ANKS1B: variants seen among roughly 807,000 people sequenced by gnomAD.
The protein encoded by ANKS1B is ankyrin repeat and sterile alpha motif domain containing 1B, also known as ankyrin repeat and sterile alpha motif domain-containing protein 1B.
Under a neutral mutation model 148.3 loss-of-function variants are expected in ANKS1B, and 36 were observed. The ratio of observed to expected loss-of-function variants is 0.24; its 90% CI spans 0.19 to 0.32. ANKS1B has a LOEUF of 0.32. ANKS1B is among the 10% of genes least tolerant of loss of function. The pLI, the probability that ANKS1B is intolerant of heterozygous loss-of-function variation, is 1.00. For missense variants in ANKS1B, 1,157 were observed against 1,542.6 expected, an observed-to-expected ratio of 0.75 and a Z score of 4.19; for synonymous variants, 542 against 560.8, an observed-to-expected ratio of 0.97 and a Z score of 0.47.
intron 1 of ANKS1B, among the ~76,000 whole-genome samples, chr12:99,877,919 C>T (rs1032317424): frequency 1.3e-5 from 2 of 152,088 alleles, no homozygotes; most frequent in African/African-American, 4.8e-5. Context: ...ATTAGCCAGA[C>T]ATTGGTGGCT....
intron 8 of ANKS1B, among the ~76,000 whole-genome samples, chr12:99,731,713 G>T (rs1433550418): frequency 6.6e-6 from 1 of 152,044 alleles, no homozygotes; most frequent in Non-Finnish European, 1.5e-5. Flanking sequence ...ACTTCTAGAA[G>T]AAAACACAGG....
intron 16 of ANKS1B, among the ~76,000 whole-genome samples, chr12:99,054,108 A>C (rs1167659661): frequency 6.6e-6 from 1 of 152,144 alleles, no homozygotes; most frequent in East Asian, 1.9e-4. Context: ...ATTGTAGCTG[A>C]ATCTGTGGTT....
downstream of ANKS1B, among the ~76,000 whole-genome samples, chr12:98,742,927 C>CCAA (rs2097813238): frequency 1.3e-5 from 2 of 152,306 alleles, no homozygotes; most frequent in East Asian, 1.9e-4. Context: ...AGTTAGTTAC[C>CCAA]CAACTTTATT....
chr12:98,889,087 C>T (rs2099746543), intron 17 of ANKS1B, among the ~76,000 whole-genome samples: 2 of 152,200 alleles, frequency 1.3e-5, no homozygotes, highest in Admixed American at 6.5e-5. Flanking sequence ...ATTCAGAATG[C>T]ATGTTCTTTA....
intron 9 of ANKS1B, among the ~76,000 whole-genome samples, chr12:99,562,587 G>A (rs1030813769): frequency 1.3e-5 from 2 of 152,178 alleles, no homozygotes; most frequent in Non-Finnish European, 2.9e-5. Context: ...CATGGCTGGA[G>A]AGACCTCAGG....
intron 15 of ANKS1B, among the ~76,000 whole-genome samples, chr12:99,135,216 G>T (rs1268909358): frequency 3.3e-5 from 5 of 152,106 alleles, no homozygotes; most frequent in Non-Finnish European, 7.4e-5. Context: ...CAATCTCCTA[G>T]AGTGTAAGAT....
chr12:99,685,333 C>G (rs1051593463), intron 8 of ANKS1B, among the ~76,000 whole-genome samples: 1 of 152,074 alleles, frequency 6.6e-6, no homozygotes, highest in Non-Finnish European at 1.5e-5. Context: ...ATGAAAAATG[C>G]TCAACATCAC....
At chr12:99,557,047 T>C (rs1431995338) in intron 9 of ANKS1B, among the ~76,000 whole-genome samples, 1 of 152,200 alleles carries the variant, frequency 6.6e-6, no homozygotes, top group Non-Finnish European at 1.5e-5. Flanking sequence ...GATGTTCAAC[T>C]CTCTCACCTC....
At chr12:99,417,720 T>C (rs1280261034) in intron 11 of ANKS1B, among the ~76,000 whole-genome samples, 1 of 152,136 alleles carries the variant, frequency 6.6e-6, no homozygotes, top group African/African-American at 2.4e-5. Flanking sequence ...TTTTCATCAG[T>C]GTTTTGTAGT....
rs527439082 is a variant in ANKS1B at position 99,713,251 on chromosome 12, C to T, written c.1129-58041G>A. Among the ~76,000 whole-genome samples, 6 of 152,276 alleles carry T rather than the reference C, an allele frequency of 3.9e-5. No individual in the cohort carries two copies. In the South Asian group the frequency reaches 1.0e-3, roughly 26 times the overall value. ...TGTGTGATTAAAATACTGACCTTAT[C>T]TAAAATCGTTCCAAGGCACAAGCAA... is the stretch of plus-strand genomic sequence containing the variant. On this transcript the variant is annotated intron_variant, in intron 8 of 26. Coordinates refer to ENST00000683438, the MANE Select transcript of ANKS1B (RefSeq NM_001352186.2).
At chr12:99,389,603 A>G (rs367827702) in intron 12 of ANKS1B, among the ~76,000 whole-genome samples, 1 of 152,232 alleles carries the variant, frequency 6.6e-6, no homozygotes. Flanking sequence ...AGATATAAAC[A>G]TCCTGGTTGA....
intron 17 of ANKS1B, among the ~76,000 whole-genome samples, chr12:99,013,255 C>T (rs2099940508): frequency 3.3e-5 from 5 of 152,210 alleles, no homozygotes; most frequent in Non-Finnish European, 7.4e-5. Flanking sequence ...AACAATAATC[C>T]CTTAATTTAT....
intron 9 of ANKS1B, among the ~76,000 whole-genome samples, chr12:99,603,279 T>C (rs1344490976): frequency 1.3e-5 from 2 of 152,096 alleles, no homozygotes; most frequent in African/African-American, 4.8e-5. Context: ...AGGCTAGGAA[T>C]CCAAGCCAAG....
At chr12:99,549,206 A>G (rs2153158782) in intron 9 of ANKS1B, among the ~76,000 whole-genome samples, 1 of 152,340 alleles carries the variant, frequency 6.6e-6, no homozygotes, top group South Asian at 2.1e-4. Context: ...ACCTCAGGGC[A>G]CTAAAGGAAC....
intron 11 of ANKS1B, among the ~76,000 whole-genome samples, chr12:99,436,898 G>A (rs1306203762): frequency 6.6e-6 from 1 of 151,844 alleles, no homozygotes; most frequent in Admixed American, 6.6e-5. Context: ...TACCTCTACA[G>A]CCTCTTTGCT....
intron 1 of ANKS1B, among the ~76,000 whole-genome samples, chr12:99,851,440 T>A (rs185207029): frequency 6.6e-6 from 1 of 152,236 alleles, no homozygotes; most frequent in East Asian, 1.9e-4. Context: ...GCATTACAAG[T>A]ATTAATATGT....
At chr12:99,467,509 G>A (rs1489991576) in intron 10 of ANKS1B, among the ~76,000 whole-genome samples, 10 of 152,198 alleles carry the variant, frequency 6.6e-5, no homozygotes, top group South Asian at 2.1e-4. Context: ...GTCCCTGTTC[G>A]CAGATGACAT....
At chr12:99,500,079 A>G (rs1264905686) in intron 10 of ANKS1B, among the ~76,000 whole-genome samples, 1 of 152,172 alleles carries the variant, frequency 6.6e-6, no homozygotes, top group Non-Finnish European at 1.5e-5. Context: ...AAGCTGAAAG[A>G]AAGTTTCTTC....
In ANKS1B at chr12:99,399,712, A is replaced by G. The variant is rs2152574267; in HGVS notation, c.1675T>C (p.Phe559Leu). Residue 559 changes from phenylalanine (F) to leucine (L), a missense_variant, in exon 12 of 27, where the codon TTT becomes CTT. Physicochemically the swap from Phe to Leu is conservative, Grantham distance 22. Transcript: ENST00000683438. ...GGACTAGCAGGAGGACTGGCAGTAA[A>G]GCTTGTGCACCCTGTAGATGTGTTG... ...EINTSTGCTS[F>L]TASPPASPPT... The G allele has an allele frequency of 1.9e-6, 3 of 1,613,562 alleles. No homozygotes were observed. The highest frequency in any genetic ancestry group is 4.5e-5 in the East Asian group (2 of 44,858).
Sources: gnomAD v4.1 joint callset for allele counts (sites outside exome capture counted in the v4.1 genomes callset) on GRCh38, gnomAD v4.1.1 for gene constraint, MANE v1.5 for transcripts, NCBI Gene and HGNC (gene_info 2026-07-23, HGNC 2026-07-21) for gene names.